The following GPHN variants were observed in gnomAD, a reference collection of about 807,000 sequenced individuals.
GPHN encodes the protein gephyrin.
Under a neutral mutation model 95.5 loss-of-function variants are expected in GPHN, and 17 were observed. The ratio of observed to expected loss-of-function variants is 0.18; its 90% CI spans 0.12 to 0.27. The LOEUF is 0.27. GPHN is among the 10% of genes least tolerant of loss of function. The probability of loss-of-function intolerance (pLI) is 1.00; values close to 1 mark genes in which losing one functional copy is unlikely to be tolerated. For missense variants in GPHN, 660 were observed against 978.1 expected (o/e 0.67, Z 4.34); for synonymous variants, 320 against 322.5 (o/e 0.99, Z 0.08).
At chr14:67,662,982 A>G in the GPHN span, 1 of 1,383,056 alleles carries the variant, frequency 7.2e-7, no homozygotes, top group Non-Finnish European at 9.3e-7. Flanking sequence ...AACCACTTCT[A>G]TGTTAACTCG....
chr14:67,660,131 G>A, the GPHN span: 63 of 518,160 alleles, frequency 1.2e-4, 1 homozygote, highest in African/African-American at 1.0e-3. Context: ...GCAGGCATTC[G>A]AGTATATGAA....
intron 8 of GPHN, among the ~76,000 whole-genome samples, chr14:66,936,319 C>T (rs2067132497): frequency 6.6e-6 from 1 of 151,798 alleles, no homozygotes; most frequent in Non-Finnish European, 1.5e-5. Flanking sequence ...GCAGAGGTTA[C>T]AGTGAGCAGA....
chr14:67,047,476 G>A (rs576171961), intron 10 of GPHN, among the ~76,000 whole-genome samples: 69 of 150,528 alleles, frequency 4.6e-4, no homozygotes, highest in African/African-American at 1.3e-3. Flanking sequence ...AGGAATTCTC[G>A]TGCCTCAGCC....
intron 8 of GPHN, among the ~76,000 whole-genome samples, chr14:66,953,288 C>G (rs984737989): frequency 1.3e-5 from 2 of 151,434 alleles, no homozygotes; most frequent in African/African-American, 2.4e-5. Context: ...TGTCTTTTCA[C>G]TGTCTTGATA....
chr14:66,644,168 T>C (rs954969431), intron 1 of GPHN, among the ~76,000 whole-genome samples: 7 of 152,122 alleles, frequency 4.6e-5, no homozygotes, highest in Admixed American at 3.3e-4. Context: ...GGATTAGTTC[T>C]GTAAAATTCA....
At chr14:66,580,458 A>G (rs1299649236) in intron 1 of GPHN, among the ~76,000 whole-genome samples, 2 of 144,766 alleles carry the variant, frequency 1.4e-5, no homozygotes, top group African/African-American at 5.5e-5. Flanking sequence ...CTTTAGCTAG[A>G]CTGAAAAAAT....
At chr14:67,661,720 T>TGG in the GPHN span, among the ~76,000 whole-genome samples, 26 of 151,516 alleles carry the variant, frequency 1.7e-4, no homozygotes, top group East Asian at 5.8e-4. Context: ...TTGGTAGAGA[T>TGG]GGGGGGTCTC....
chr14:66,949,338 T>A (rs2153577816), intron 8 of GPHN, among the ~76,000 whole-genome samples: 1 of 152,284 alleles, frequency 6.6e-6, no homozygotes, highest in Non-Finnish European at 1.5e-5. Context: ...GACCTCATGA[T>A]CTGCCTGCCT....
chr14:67,143,763 G>C (rs2080644441), intron 18 of GPHN, among the ~76,000 whole-genome samples: 1 of 151,956 alleles, frequency 6.6e-6, no homozygotes, highest in African/African-American at 2.4e-5. Flanking sequence ...TTTACCACCA[G>C]GGTAAAACTC....
the GPHN span, among the ~76,000 whole-genome samples, chr14:67,188,815 T>TCC: frequency 6.6e-6 from 1 of 151,436 alleles, no homozygotes; most frequent in African/African-American, 2.4e-5. Context: ...CTTCCTTTCT[T>TCC]TTTCTTTTTC....
chr14:67,169,309 C>T (rs555360518), intron 21 of GPHN, among the ~76,000 whole-genome samples: 1 of 152,232 alleles, frequency 6.6e-6, no homozygotes, highest in East Asian at 1.9e-4. Flanking sequence ...TACTTAAGGA[C>T]AAAACAGTCA....
At chr14:66,835,019 CT>C (rs1182770253) in intron 4 of GPHN, among the ~76,000 whole-genome samples, 1 of 148,590 alleles carries the variant, frequency 6.7e-6, no homozygotes, top group African/African-American at 2.5e-5. Flanking sequence ...TCCATTTCTT[CT>C]AGATTTTCTA....
At chr14:67,707,255 A>C in the GPHN span, among the ~76,000 whole-genome samples, 1 of 152,224 alleles carries the variant, frequency 6.6e-6, no homozygotes, top group Non-Finnish European at 1.5e-5. Context: ...AAACTGTAGA[A>C]AACAATAAAA....
At chr14:66,726,228 C>A (rs2071222189) in intron 2 of GPHN, among the ~76,000 whole-genome samples, 1 of 152,094 alleles carries the variant, frequency 6.6e-6, no homozygotes, top group African/African-American at 2.4e-5. Flanking sequence ...ACTGTACTTT[C>A]CTTTTAGCTT....
At chr14:67,611,386 G>A in the GPHN span, among the ~76,000 whole-genome samples, 1 of 151,466 alleles carries the variant, frequency 6.6e-6, no homozygotes, top group African/African-American at 2.4e-5. Flanking sequence ...TCAGCCTCCC[G>A]AGTAGTTGGG....
chr14:66,753,538 T>C (rs1159745231), intron 2 of GPHN, among the ~76,000 whole-genome samples: 2 of 152,070 alleles, frequency 1.3e-5, no homozygotes, highest in Non-Finnish European at 2.9e-5. Flanking sequence ...AAGAAAGTTA[T>C]ATTCTATTCT....
chr14:67,631,583 A>T, the GPHN span, among the ~76,000 whole-genome samples: 1 of 151,884 alleles, frequency 6.6e-6, no homozygotes, highest in African/African-American at 2.4e-5. Flanking sequence ...CTACAGGGAC[A>T]TGCCACCACA....
intron 8 of GPHN, among the ~76,000 whole-genome samples, chr14:66,946,470 A>G (rs922879797): frequency 2.6e-5 from 4 of 152,120 alleles, no homozygotes; most frequent in African/African-American, 4.8e-5. Context: ...GCAGGACACA[A>G]TCTCGGCTCG....
At chr14:67,384,555 T>G in the GPHN span, 59 of 152,286 alleles carry the variant, frequency 3.9e-4, no homozygotes, top group East Asian at 0.011. Context: ...CCAGTTGTAT[T>G]TAATTTTATT....
Sources: gnomAD v4.1 joint callset for allele counts (sites outside exome capture counted in the v4.1 genomes callset) on GRCh38, gnomAD v4.1.1 for gene constraint, MANE v1.5 for transcripts, NCBI Gene and HGNC (gene_info 2026-07-23, HGNC 2026-07-21) for gene names.